MTCH2: variants seen among roughly 807,000 people sequenced by gnomAD.
The protein encoded by MTCH2 is mitochondrial carrier homolog 2.
MTCH2 carries 25 observed loss-of-function variants against 50.6 expected under a neutral mutation model. The observed-to-expected ratio is 0.49, with a 90% confidence interval of 0.36 to 0.69. The LOEUF (loss-of-function observed/expected upper bound fraction) is 0.69. Ranked by LOEUF, MTCH2 falls within the 30% of genes least tolerant of loss-of-function variation. The probability of loss-of-function intolerance (pLI) is 0.00; values close to 1 mark genes in which losing one functional copy is unlikely to be tolerated. For missense variants in MTCH2, 273 were observed against 384.4 expected (o/e 0.71, Z 2.42); for synonymous variants, 106 against 132.0 (o/e 0.80, Z 1.35).
chr11:47,628,472 T>C (rs955183530), intron 9 of MTCH2, among the ~76,000 whole-genome samples: 8 of 152,340 alleles, frequency 5.3e-5, no homozygotes, highest in Middle Eastern at 3.4e-3. Context: ...CGTTCTACAG[T>C]GAACAGTATG....
At chr11:47,636,464 C>T (rs1400520885) in intron 3 of MTCH2, among the ~76,000 whole-genome samples, 1 of 149,486 alleles carries the variant, frequency 6.7e-6, no homozygotes, top group Admixed American at 6.7e-5. Context: ...GGGCATGGTG[C>T]CTCACGCCTG....
chr11:47,604,377 G>C, the MTCH2 span, among the ~76,000 whole-genome samples: 1 of 152,122 alleles, frequency 6.6e-6, no homozygotes, highest in African/African-American at 2.4e-5. Flanking sequence ...CTATTGGTGA[G>C]ATGTAGAGAA....
Position 47,619,008 on chromosome 11 carries a change from C to T in MTCH2, c.826-89G>A, listed in dbSNP as rs148978042. On this transcript the variant is annotated intron_variant, in intron 12 of 12. Transcript: ENST00000302503. Reference sequence around the variant, plus strand: ...TCAGCAGAGAGGTCCAATTGGGAGACGTGACTAAATCTAGGACAAAACTGG... The same window carrying T: ...TCAGCAGAGAGGTCCAATTGGGAGATGTGACTAAATCTAGGACAAAACTGG... 2.2e-3 allele frequency: 2,517 copies of T among 1,155,182 alleles called. 7 individuals carry two copies. Among genetic ancestry groups the T allele is most frequent in the Middle Eastern group, 9.7e-3 (50 of 5,180 alleles). 71.6% of individuals were successfully genotyped at this position (1,155,182 alleles called of 1,614,324 possible).
chr11:47,633,129 TG>T (rs1190267258), intron 5 of MTCH2, among the ~76,000 whole-genome samples: 1 of 148,590 alleles, frequency 6.7e-6, no homozygotes, highest in African/African-American at 2.5e-5. Context: ...TTTTTTTTTT[TG>T]AGAGGGAGTC....
chr11:47,625,789 TATTCTCCTTTCCTTTACCTTA>T (rs753583175), intron 10 of MTCH2, 48 bp from the exon 11 acceptor site: 2 of 1,486,164 alleles, frequency 1.3e-6, no homozygotes, highest in South Asian at 2.3e-5. Context: ...TCCTAGTCTT[TATTCTCCTTTCCTTTACCTTA>T]AAGGCCTAGT....
chr11:47,622,359 G>T (rs1383564235), intron 12 of MTCH2, among the ~76,000 whole-genome samples: 3 of 152,016 alleles, frequency 2.0e-5, no homozygotes, highest in East Asian at 3.9e-4. Flanking sequence ...GAGTTTGGGG[G>T]AAAAAAAGAG....
At chr11:47,625,563 CCAAT>C (rs1360770225) in intron 11 of MTCH2, 107 bp downstream of exon 11, 7 of 783,578 alleles carry the variant, frequency 8.9e-6, no homozygotes, top group South Asian at 2.0e-5. Context: ...TAAAAAAATA[CCAAT>C]CAGAGATTGA....
intron 11 of MTCH2, among the ~76,000 whole-genome samples, chr11:47,625,088 A>AAAAAAC (rs59265730): frequency 4.9e-4 from 74 of 150,612 alleles, no homozygotes; most frequent in African/African-American, 1.6e-3. Context: ...ATTCTGTCTC[A>AAAAAAC]AAAAACAAAA....
At chr11:47,634,261 G>A (rs1598850189) in intron 5 of MTCH2, among the ~76,000 whole-genome samples, 2 of 151,912 alleles carry the variant, frequency 1.3e-5, no homozygotes, top group East Asian at 3.9e-4. Context: ...TATTTTTTTT[G>A]TAGAGAGGAA....
chr11:47,622,123 C>T (rs898151311), intron 12 of MTCH2, among the ~76,000 whole-genome samples: 5 of 152,086 alleles, frequency 3.3e-5, no homozygotes, highest in African/African-American at 2.4e-5. Context: ...CTAGACCTCT[C>T]GAAGTGCTAG....
chr11:47,614,829 C>T (rs367646674), downstream of MTCH2, among the ~76,000 whole-genome samples: 3 of 152,116 alleles, frequency 2.0e-5, no homozygotes, highest in South Asian at 2.1e-4. Flanking sequence ...CTGCCCACCT[C>T]GGCCTCCCAA....
chr11:47,612,290 G>A, the MTCH2 span, among the ~76,000 whole-genome samples: 3 of 151,890 alleles, frequency 2.0e-5, no homozygotes, highest in South Asian at 2.1e-4. Context: ...TGTGTGGGCC[G>A]GGCGCGGTGG....
At chr11:47,610,294 C>T in the MTCH2 span, among the ~76,000 whole-genome samples, 4 of 152,132 alleles carry the variant, frequency 2.6e-5, no homozygotes, top group Admixed American at 6.6e-5. Flanking sequence ...TTACTAACGC[C>T]GTAACTTTGC....
rs1467066961 is a variant in MTCH2, at chr11:47,617,840, T to C, written c.*993A>G. 2 of 152,176 alleles carry C rather than the reference T, an allele frequency of 1.3e-5. No individual in the cohort carries two copies. The highest frequency in any genetic ancestry group is 4.8e-5 in the African/African-American group (2 of 41,444). The allele number at this position is 152,176 out of a possible 1,614,324, so 9.4% of individuals were successfully genotyped here. On this transcript the variant is annotated 3_prime_UTR_variant, in exon 13 of 13. Transcript: ENST00000302503. ...GACCCATGTCGACTTGGGTTGGCAT[T>C]ACCAGACATGGAGTTACAAATATAC...
At chr11:47,635,805 A>G (rs2153800572) in intron 3 of MTCH2, among the ~76,000 whole-genome samples, 1 of 152,208 alleles carries the variant, frequency 6.6e-6, no homozygotes, top group South Asian at 2.1e-4. Context: ...TTGGAAGAAA[A>G]GCAAATGGTC....
At chr11:47,620,606 A>G (rs2097292414) in intron 12 of MTCH2, among the ~76,000 whole-genome samples, 1 of 152,198 alleles carries the variant, frequency 6.6e-6, no homozygotes, top group Admixed American at 6.6e-5. Flanking sequence ...GTGAGTTGTG[A>G]TGCCACCACT....
intron 3 of MTCH2, among the ~76,000 whole-genome samples, chr11:47,636,358 C>T (rs545972475): frequency 2.9e-4 from 44 of 151,634 alleles, no homozygotes; most frequent in Admixed American, 1.1e-3. Context: ...TGCTTGAACC[C>T]GGGGGGTAAA....
At chr11:47,635,980 T>C (rs1388851429) in intron 3 of MTCH2, among the ~76,000 whole-genome samples, 3 of 151,770 alleles carry the variant, frequency 2.0e-5, no homozygotes, top group Non-Finnish European at 2.9e-5. Flanking sequence ...ATACAAAAAT[T>C]AGCGGAGCAT....
At chr11:47,610,101 A>T in the MTCH2 span, among the ~76,000 whole-genome samples, 1 of 152,210 alleles carries the variant, frequency 6.6e-6, no homozygotes, top group Non-Finnish European at 1.5e-5. Context: ...CCTCAAGGAC[A>T]TTCAGTGGAT....
Sources: gnomAD v4.1 joint callset for allele counts (sites outside exome capture counted in the v4.1 genomes callset) on GRCh38, gnomAD v4.1.1 for gene constraint, MANE v1.5 for transcripts, NCBI Gene and HGNC (gene_info 2026-07-23, HGNC 2026-07-21) for gene names.